The following TENM1 variants were observed in gnomAD, a reference collection of about 807,000 sequenced individuals.
The protein encoded by TENM1 is teneurin-1.
A neutral mutation model predicts 174.8 loss-of-function variants in TENM1; 35 were observed. That is an observed-to-expected ratio of 0.20 (90% confidence interval 0.15 to 0.27). TENM1 has a LOEUF of 0.27. Among genes scored for constraint, TENM1 ranks in the 10% least tolerant of loss-of-function variants. The probability of loss-of-function intolerance (pLI) is 1.00; values close to 1 mark genes in which losing one functional copy is unlikely to be tolerated. For synonymous variants in TENM1, 781 were observed against 798.7 expected, an observed-to-expected ratio of 0.98 and a Z score of 0.37; for missense variants, 1,633 against 2,130.1, an observed-to-expected ratio of 0.77 and a Z score of 4.59.
chrX:124,832,936 A>G (rs2056320338), intron 3 of TENM1, among the ~76,000 whole-genome samples: 1 of 112,087 alleles, frequency 8.9e-6, no homozygotes, highest in African/African-American at 3.2e-5. Context: ...AGATGTTATT[A>G]TTATTGGTCA....
At chrX:125,161,942 G>A in the TENM1 span, among the ~76,000 whole-genome samples, 2 of 111,969 alleles carry the variant, frequency 1.8e-5, no homozygotes, top group East Asian at 2.8e-4. Flanking sequence ...TGGTAATTAC[G>A]TGTTCTTTTG....
chrX:125,029,405 C>T, the TENM1 span, among the ~76,000 whole-genome samples: 1 of 111,453 alleles, frequency 9.0e-6, no homozygotes, highest in African/African-American at 3.3e-5. Context: ...CTTCGCATCT[C>T]TTGTAGCACT....
the TENM1 span, among the ~76,000 whole-genome samples, chrX:125,139,423 C>A: frequency 5.4e-5 from 6 of 111,172 alleles, no homozygotes; most frequent in Admixed American, 9.6e-5. Context: ...AAGCTACCAC[C>A]ACATCTGCTG....
At chrX:124,538,793 G>C (rs2048259186) in intron 15 of TENM1, among the ~76,000 whole-genome samples, 1 of 112,070 alleles carries the variant, frequency 8.9e-6, no homozygotes, top group Admixed American at 9.4e-5. Flanking sequence ...TTAATTCTGT[G>C]AATGCTTGAA....
the TENM1 span, among the ~76,000 whole-genome samples, chrX:124,985,210 G>A: frequency 5.4e-5 from 6 of 112,061 alleles, no homozygotes; most frequent in African/African-American, 1.9e-4. Context: ...GCCTTCTGAA[G>A]ATTCAAAGAA....
chrX:124,651,532 G>GA (rs2051310376), intron 8 of TENM1, among the ~76,000 whole-genome samples: 1 of 111,357 alleles, frequency 9.0e-6, no homozygotes, highest in Non-Finnish European at 1.9e-5. Context: ...TTTTCTATTT[G>GA]AAAAAGGTAT....
At chrX:124,977,006 T>C in the TENM1 span, among the ~76,000 whole-genome samples, 155 of 112,147 alleles carry the variant, frequency 1.4e-3, no homozygotes, top group African/African-American at 4.8e-3. Context: ...TACAATGTAA[T>C]TGCAAATGGG....
At chrX:124,488,262 TTTTTAAAATCC>T (rs1490570419) in intron 20 of TENM1, among the ~76,000 whole-genome samples, 1 of 112,641 alleles carries the variant, frequency 8.9e-6, no homozygotes, top group Non-Finnish European at 1.9e-5. Context: ...ATCATTTTAA[TTTTTAAAATCC>T]TTTTAAATCT....
At chrX:124,398,409 A>C (rs1019330586) in intron 27 of TENM1, among the ~76,000 whole-genome samples, 9 of 110,403 alleles carry the variant, frequency 8.2e-5, no homozygotes, top group African/African-American at 2.6e-4. Flanking sequence ...TTTATTTCAC[A>C]GAGATGCCTA....
intron 18 of TENM1, 109 bp downstream of exon 21, chrX:124,520,408 T>A: frequency 1.2e-6 from 1 of 867,942 alleles, no homozygotes; most frequent in East Asian, 3.2e-5. Context: ...CTTAGGTCCT[T>A]TAAACAGAAG....
chrX:124,929,271 C>T (rs1015037908), intron 1 of TENM1, among the ~76,000 whole-genome samples: 2 of 111,820 alleles, frequency 1.8e-5, no homozygotes, highest in African/African-American at 6.5e-5. Flanking sequence ...TTAAATATAG[C>T]CTTGTCACTA....
At chrX:125,060,127 T>C in the TENM1 span, among the ~76,000 whole-genome samples, 1 of 108,202 alleles carries the variant, frequency 9.2e-6, no homozygotes, top group South Asian at 4.1e-4. Flanking sequence ...AATCAATTTT[T>C]CTCTCTCCCC....
At chrX:124,451,858 T>C (rs1336782161) in intron 23 of TENM1, among the ~76,000 whole-genome samples, 5 of 112,017 alleles carry the variant, frequency 4.5e-5, no homozygotes, top group Non-Finnish European at 9.4e-5. Flanking sequence ...TTACACCTTA[T>C]ACAAAAATTA....
chrX:124,826,579 C>G (rs754272090), intron 3 of TENM1, among the ~76,000 whole-genome samples: 1 of 111,222 alleles, frequency 9.0e-6, no homozygotes, highest in Non-Finnish European at 1.9e-5. Context: ...AAACGAAAGG[C>G]AAGATGTAAC....
the TENM1 span, among the ~76,000 whole-genome samples, chrX:125,118,087 C>A: frequency 3.6e-5 from 4 of 111,364 alleles, no homozygotes; most frequent in African/African-American, 9.8e-5. Flanking sequence ...ATGGATGGAA[C>A]CACAGGCCAT....
At chrX:124,530,927 TAAG>T (rs973149452) in intron 15 of TENM1, among the ~76,000 whole-genome samples, 3 of 111,237 alleles carry the variant, frequency 2.7e-5, no homozygotes, top group African/African-American at 9.8e-5. Flanking sequence ...GGCTGGCAGT[TAAG>T]AAGAGTGCCC....
At chrX:124,948,752 C>T (rs1023381282) in intron 1 of TENM1, among the ~76,000 whole-genome samples, 12 of 111,977 alleles carry the variant, frequency 1.1e-4, no homozygotes, top group African/African-American at 3.9e-4. Context: ...TGGTGTTTCA[C>T]CATATTGGCC....
At chrX:124,820,859 C>A (rs181612563) in intron 3 of TENM1, among the ~76,000 whole-genome samples, 6 of 112,089 alleles carry the variant, frequency 5.4e-5, no homozygotes, top group Non-Finnish European at 1.1e-4. Context: ...TCTGATGTAA[C>A]CTACACTTAA....
chrX:124,560,191 TTGTGTG>T (rs375476919), intron 14 of TENM1, among the ~76,000 whole-genome samples: 1,828 of 88,166 alleles, frequency 0.021, 34 homozygotes, highest in African/African-American at 0.056. Context: ...TCTCTTCTAT[TTGTGTG>T]TGTGTGTGTG....
Sources: gnomAD v4.1 joint callset for allele counts (sites outside exome capture counted in the v4.1 genomes callset) on GRCh38, gnomAD v4.1.1 for gene constraint, MANE v1.5 for transcripts, NCBI Gene and HGNC (gene_info 2026-07-23, HGNC 2026-07-21) for gene names.